Variants in FGF13 observed in about 807,000 individuals in gnomAD.
FGF13 encodes fibroblast growth factor 13, also known as fibroblast growth factor homologous factor 2.
A neutral mutation model predicts 19.5 loss-of-function variants in FGF13; 2 were observed. The observed-to-expected ratio is 0.10, with a 90% CI of 0.04 to 0.32. The LOEUF (loss-of-function observed/expected upper bound fraction) is 0.32, where lower values mean the gene tolerates loss of function less well. Ranked by LOEUF, FGF13 falls within the 10% of genes least tolerant of loss-of-function variation. The pLI, the probability that FGF13 is intolerant of heterozygous loss-of-function variation, is 1.00. For missense variants in FGF13, 113 were observed against 192.7 expected (o/e 0.59, Z 2.45); for synonymous variants, 72 against 76.9 (o/e 0.94, Z 0.33).
chrX:138,762,264 G>A (rs1177409027), intron 3 of FGF13, among the ~76,000 whole-genome samples: 1 of 110,679 alleles, frequency 9.0e-6, no homozygotes. Flanking sequence ...ACTTCCCAAT[G>A]GTGCCTTTGA....
In FGF13 at chrX:138,827,404, A is replaced by G. The variant is rs1257774781; in HGVS notation, c.217+30108T>C. Among the ~76,000 whole-genome samples, 4 of 112,147 alleles carry G rather than the reference A, an allele frequency of 3.6e-5. No individual in the cohort carries two copies. In the East Asian group the frequency reaches 8.4e-4, roughly 23 times the overall value. Reference sequence around the variant, plus strand: ...TAAAATAAATCATATAGGACTGTTTAGATTATTTAATATTCTAATGTACAG... The same window carrying G: ...TAAAATAAATCATATAGGACTGTTTGGATTATTTAATATTCTAATGTACAG... On this transcript the variant is annotated intron_variant, in intron 3 of 6. Coordinates refer to the FGF13 transcript ENST00000436198.
rs186899791 is a variant in FGF13 at position 138,842,736 on chromosome X, G to A, written c.217+14776C>T. On this transcript the variant is annotated intron_variant, in intron 3 of 6. Transcript: ENST00000436198. ...ATGGGGTGCTACTGGCATCTAGTGG[G>A]TAGAGTCAAGGGATGCTGCTCAATA... Among the ~76,000 whole-genome samples, 277 of 110,945 alleles carry A rather than the reference G, an allele frequency of 2.5e-3. 2 individuals carry two copies. Among genetic ancestry groups the A allele is most frequent in the Non-Finnish European group, 2.6e-3 (138 of 52,942 alleles).
At chrX:138,781,448 G>A (rs1447431655) in intron 3 of FGF13, among the ~76,000 whole-genome samples, 4 of 109,161 alleles carry the variant, frequency 3.7e-5, no homozygotes, top group African/African-American at 1.3e-4. Flanking sequence ...AAAGAGAGAA[G>A]AATCAAATAG....
rs138779289 is a variant in FGF13, at chrX:138,821,410, A to G, written c.217+36102T>C. On this transcript the variant is annotated intron_variant, in intron 3 of 6. Coordinates refer to the FGF13 transcript ENST00000436198. ...TCAGAAAACTTTTGAGTATGCCTGG[A>G]ACGACTTGGGCAATGTCAATCTACT... is the stretch of plus-strand genomic sequence containing the variant. Among the ~76,000 whole-genome samples the G allele has an allele frequency of 1.1e-3, 128 of 111,988 alleles. 1 individual carries two copies. The highest frequency in any genetic ancestry group is 3.1e-3 in the African/African-American group (97 of 30,914).
At chrX:138,820,456 T>C (rs1339251447) in intron 3 of FGF13, among the ~76,000 whole-genome samples, 1 of 111,759 alleles carries the variant, frequency 8.9e-6, no homozygotes, top group Non-Finnish European at 1.9e-5. Context: ...ATATTTTGGG[T>C]TTGGGGTCAT....
intron 1 of FGF13, among the ~76,000 whole-genome samples, chrX:138,953,678 C>G (rs2091826184): frequency 9.0e-6 from 1 of 111,114 alleles, no homozygotes; most frequent in African/African-American, 3.3e-5. Flanking sequence ...ATTCACATGC[C>G]CATCAACAGT....
At chrX:138,859,849 T>A (rs1470723343) in intron 2 of FGF13, among the ~76,000 whole-genome samples, 1 of 112,192 alleles carries the variant, frequency 8.9e-6, no homozygotes, top group African/African-American at 3.2e-5. Flanking sequence ...TTCCCTGTCT[T>A]TTGTTCTTTC....
chrX:138,801,546 C>T (rs1043355644), intron 3 of FGF13, among the ~76,000 whole-genome samples: 4 of 111,816 alleles, frequency 3.6e-5, no homozygotes, highest in African/African-American at 1.3e-4. Context: ...GTCTCCCAGT[C>T]AGGAGGCACG....
chrX:138,677,230 G>T (rs771752957), intron 3 of FGF13, among the ~76,000 whole-genome samples: 73 of 111,554 alleles, frequency 6.5e-4, no homozygotes, highest in African/African-American at 2.2e-3. Flanking sequence ...AACCCTAGAA[G>T]AAAACCTAGG....
intron 2 of FGF13, among the ~76,000 whole-genome samples, chrX:138,863,975 G>T (rs779180827): frequency 8.9e-6 from 1 of 111,954 alleles, no homozygotes; most frequent in South Asian, 3.8e-4. Context: ...TGTTGTGAAG[G>T]GCTGTTTTGT....
chrX:138,821,103 T>G (rs1395418851), intron 3 of FGF13, among the ~76,000 whole-genome samples: 2 of 111,413 alleles, frequency 1.8e-5, no homozygotes, highest in African/African-American at 6.5e-5. Flanking sequence ...TGAGGTAAGC[T>G]GGCAGAAAAT....
intron 1 of FGF13, among the ~76,000 whole-genome samples, chrX:139,059,664 T>C (rs1051600253): frequency 8.9e-6 from 1 of 112,116 alleles, no homozygotes; most frequent in Non-Finnish European, 1.9e-5. Context: ...ACATAATGTT[T>C]TCTAAATTCT....
At chrX:138,682,059 T>C (rs1164053357) in intron 3 of FGF13, among the ~76,000 whole-genome samples, 1 of 112,370 alleles carries the variant, frequency 8.9e-6, no homozygotes, top group African/African-American at 3.2e-5. Context: ...AAAATGGCGC[T>C]GATAGATTTT....
intron 1 of FGF13, among the ~76,000 whole-genome samples, chrX:139,109,250 T>C (rs956580599): frequency 1.8e-5 from 2 of 111,985 alleles, no homozygotes; most frequent in African/African-American, 6.5e-5. Context: ...TCCTGTGGTA[T>C]CTGTCCTTGC....
chrX:139,006,756 C>T (rs1204669017), intron 1 of FGF13, among the ~76,000 whole-genome samples: 2 of 111,669 alleles, frequency 1.8e-5, no homozygotes, highest in Admixed American at 9.5e-5. Context: ...TTTATGCAAA[C>T]AGTGTTAATT....
rs1349172543 is a variant in FGF13, at chrX:138,617,776, C to CA, written c.*15073dup. On this transcript the variant is annotated 3_prime_UTR_variant, in exon 5 of 5. Transcript: ENST00000315930. The stretch of plus-strand genomic sequence containing the variant: ...GCAACATAGTGAGACCCCATCTCTA[C>CA]AAAAAATGTAAAAATATTAGCTGGG... 9.0e-6 allele frequency: 1 copy of CA among 110,639 alleles called. No homozygotes were observed. The highest frequency in any genetic ancestry group is 1.9e-5 in the Non-Finnish European group (1 of 52,949). 9.1% of individuals were successfully genotyped at this position (110,639 alleles called of 1,213,427 possible).
intron 1 of FGF13, among the ~76,000 whole-genome samples, chrX:139,088,336 G>A (rs1315640550): frequency 9.0e-6 from 1 of 111,182 alleles, no homozygotes; most frequent in Non-Finnish European, 1.9e-5. Flanking sequence ...ATCAGAGAAC[G>A]GTTGATGACT....
At chrX:138,809,032 A>G (rs2090897974) in intron 3 of FGF13, among the ~76,000 whole-genome samples, 1 of 111,987 alleles carries the variant, frequency 8.9e-6, no homozygotes, top group Admixed American at 9.5e-5. Context: ...AGGAGCTGGT[A>G]CCATTCCTTC....
intron 1 of FGF13, among the ~76,000 whole-genome samples, chrX:139,094,246 ATCTC>A (rs201236428): frequency 9.9e-5 from 11 of 111,425 alleles, no homozygotes; most frequent in South Asian, 3.8e-4. Flanking sequence ...AGAGCTATAT[ATCTC>A]TGTTAATGGT....
Sources: allele counts gnomAD v4.1 joint callset (sites outside exome capture counted in the v4.1 genomes callset), GRCh38; gene constraint gnomAD v4.1.1; transcripts MANE v1.5; gene names NCBI Gene and HGNC (gene_info 2026-07-23, HGNC 2026-07-21).